CFI: variants seen among roughly 807,000 people sequenced by gnomAD.
The protein encoded by CFI is C3B/C4B inactivator.
Under a neutral mutation model 78.8 loss-of-function variants are expected in CFI, and 66 were observed. The ratio of observed to expected loss-of-function variants is 0.84; its 90% CI spans 0.69 to 1.03. The LOEUF (loss-of-function observed/expected upper bound fraction) is 1.03, where lower values mean the gene tolerates loss of function less well. CFI is among the 50% of genes least tolerant of loss of function. The probability of loss-of-function intolerance (pLI) is 0.00; values close to 1 mark genes in which losing one functional copy is unlikely to be tolerated. For missense variants in CFI, 706 were observed against 704.5 expected, an observed-to-expected ratio of 1.00 and a Z score of -0.02; for synonymous variants, 250 against 232.6, an observed-to-expected ratio of 1.07 and a Z score of -0.68.
intron 1 of CFI, among the ~76,000 whole-genome samples, chr4:109,785,597 T>C (rs1212429696): frequency 6.6e-6 from 1 of 152,042 alleles, no homozygotes. Context: ...CAAAACATGA[T>C]TCCATCTCCT....
At chr4:109,801,697 G>C (rs1031040607) in intron 1 of CFI, among the ~76,000 whole-genome samples, 1 of 152,018 alleles carries the variant, frequency 6.6e-6, no homozygotes, top group Non-Finnish European at 1.5e-5. Flanking sequence ...TCAGTTCAAT[G>C]CCTCTGCATA....
chr4:109,742,972 G>A (rs1723992253), intron 11 of CFI, among the ~76,000 whole-genome samples: 1 of 152,142 alleles, frequency 6.6e-6, no homozygotes, highest in African/African-American at 2.4e-5. Context: ...CCTTGAGAAT[G>A]TTTGTTAAAG....
intron 1 of CFI, among the ~76,000 whole-genome samples, chr4:109,785,983 G>A (rs1304824564): frequency 6.6e-6 from 1 of 151,730 alleles, no homozygotes; most frequent in South Asian, 2.1e-4. Context: ...CTAGTCTTGG[G>A]CAGTTCTTTA....
Position 109,761,617 on chromosome 4 carries a change from G to T in CFI, c.558C>A (p.Cys186Ter). The change falls in exon 4 of 13, where the codon TGC (cysteine) becomes TGA (stop). Residue 186 changes from cysteine to a stop codon, truncating the protein, a stop_gained. Transcript: ENST00000394634. LOFTEE classifies it high-confidence loss of function. Reference sequence around the variant, plus strand: ...CAGCCAAACTGGTCTCTAATCCTCGGCAATGCACATGTAGACATTCAGTGG... The same window carrying T: ...CAGCCAAACTGGTCTCTAATCCTCGTCAATGCACATGTAGACATTCAGTGG... ...INSTECLHVH[C>*]RGLETSLAEC... 2 of 1,613,622 alleles carry T rather than the reference G, an allele frequency of 1.2e-6. No individual in the cohort carries two copies. The highest frequency in any genetic ancestry group is 1.7e-6 in the Non-Finnish European group (2 of 1,179,622).
chr4:109,758,695 A>G lies in CFI; in HGVS notation c.884-912T>C, dbSNP rs539715742. Reference sequence around the variant, plus strand: ...AAGATTGTGGGGCACTTTGAAATGGACACACCAAGCTGATCAAGTAATCAT... The same window carrying G: ...AAGATTGTGGGGCACTTTGAAATGGGCACACCAAGCTGATCAAGTAATCAT... On this transcript the variant is annotated intron_variant, in intron 6 of 12. Transcript: ENST00000394634. Among the ~76,000 whole-genome samples the G allele has an allele frequency of 5.9e-5, 9 of 152,364 alleles. No individual in the cohort carries two copies. In the South Asian group the frequency reaches 1.0e-3, roughly 18 times the overall value.
the CFI span, among the ~76,000 whole-genome samples, chr4:109,733,709 TCTAA>T: frequency 6.6e-6 from 1 of 152,150 alleles, no homozygotes; most frequent in African/African-American, 2.4e-5. Flanking sequence ...TAGAGAGAGT[TCTAA>T]CTGTCAGAAA....
At chr4:109,769,157 GA>G (rs1306041234) in intron 1 of CFI, among the ~76,000 whole-genome samples, 2 of 152,092 alleles carry the variant, frequency 1.3e-5, no homozygotes, top group African/African-American at 4.8e-5. Flanking sequence ...CAAGCAACTT[GA>G]TTTTTTTCTA....
intron 2 of CFI, 81 bp from the exon 3 acceptor site, chr4:109,764,771 T>C (rs1045138015): frequency 7.2e-6 from 9 of 1,256,680 alleles, no homozygotes; most frequent in Middle Eastern, 1.9e-4. Context: ...AAAATAATAA[T>C]GTACTTAATG....
intron 1 of CFI, among the ~76,000 whole-genome samples, chr4:109,778,130 A>T (rs915427635): frequency 8.5e-5 from 13 of 152,188 alleles, no homozygotes; most frequent in Non-Finnish European, 7.3e-5. Flanking sequence ...AATAACTAAG[A>T]TCAGAGCAGA....
intron 1 of CFI, among the ~76,000 whole-genome samples, chr4:109,776,949 C>A (rs1354045458): frequency 6.6e-6 from 1 of 152,202 alleles, no homozygotes; most frequent in African/African-American, 2.4e-5. Context: ...ATCAGGCCTG[C>A]CTTACAAGAG....
chr4:109,743,541 A>G (rs1045392509), intron 11 of CFI, among the ~76,000 whole-genome samples: 3 of 152,162 alleles, frequency 2.0e-5, no homozygotes, highest in Non-Finnish European at 4.4e-5. Flanking sequence ...CTGGGTCCAT[A>G]TTTTCCATCA....
chr4:109,741,299 A>G (rs1723765666), intron 12 of CFI, 189 bp from the exon 13 acceptor site: 1 of 985,226 alleles, frequency 1.0e-6, no homozygotes. Flanking sequence ...ATTCTTTACG[A>G]GTCTTCTATT....
At chr4:109,741,399 A>G in intron 12 of CFI, 2 of 978,848 alleles carry the variant, frequency 2.0e-6, no homozygotes, top group Non-Finnish European at 2.4e-6. Context: ...GTTGCATCAA[A>G]TGCTGAGTAG....
chr4:109,753,146 T>TATATTTATTATATAAATAA (rs1725433213), intron 7 of CFI, among the ~76,000 whole-genome samples: 1 of 78,928 alleles, frequency 1.3e-5, no homozygotes, highest in African/African-American at 5.0e-5. Flanking sequence ...ATTTATAATA[T>TATATTTATTATATAAATAA]ATATTTATTA....
Position 109,742,279 on chromosome 4 carries a change from T to C in CFI, c.1534+212A>G, listed in dbSNP as rs565215023. 7.0e-5 allele frequency: 39 copies of C among 555,884 alleles called. No individual in the cohort carries two copies. In the East Asian group the frequency reaches 1.1e-3, roughly 16 times the overall value. The allele number at this position is 555,884 out of a possible 1,614,324, so 34.4% of individuals were successfully genotyped here. Reference sequence around the variant, plus strand: ...TCTTAGTCACCTTGCTGTGCTGCTATAGAATCGCTTAAGGAGGATTTTTCC... The same window carrying C: ...TCTTAGTCACCTTGCTGTGCTGCTACAGAATCGCTTAAGGAGGATTTTTCC... On this transcript the variant is annotated intron_variant, in intron 12 of 12. Coordinates refer to ENST00000394634, the MANE Select transcript of CFI (RefSeq NM_000204.5).
At chr4:109,798,520 T>TG (rs1553919320) in intron 1 of CFI, among the ~76,000 whole-genome samples, 22 of 150,940 alleles carry the variant, frequency 1.5e-4, no homozygotes, top group Non-Finnish European at 2.8e-4. Context: ...TTTTTTTTTT[T>TG]AAAAAGACCA....
chr4:109,746,296 G>A lies in CFI; in HGVS notation c.1355C>T (p.Ala452Val). The change falls in exon 11 of 13, where the codon GCC (alanine) becomes GTC (valine). Residue 452 changes from alanine (A) to valine (V), a missense_variant. Coordinates refer to ENST00000394634, the MANE Select transcript of CFI (RefSeq NM_000204.5). Reference sequence around the variant, plus strand: ...TAGGTAAGGAGACCAGGGGACACAGGCAGGGATGGAACGAGGCAGCTCACA... The same window carrying A: ...TAGGTAAGGAGACCAGGGGACACAGACAGGGATGGAACGAGGCAGCTCACA... ...KDCELPRSIP[A>V]CVPWSPYLFQ... 3.1e-6 allele frequency: 5 copies of A among 1,614,152 alleles called. No homozygotes were observed. The highest frequency in any genetic ancestry group is 4.2e-6 in the Non-Finnish European group (5 of 1,180,008).
chr4:109,767,386 A>T (rs1242460692), intron 1 of CFI, among the ~76,000 whole-genome samples: 1 of 151,572 alleles, frequency 6.6e-6, no homozygotes, highest in Admixed American at 6.6e-5. Flanking sequence ...TACTCATCTG[A>T]CAAAGGGCTA....
At chr4:109,776,142 G>T (rs1729205943) in intron 1 of CFI, among the ~76,000 whole-genome samples, 1 of 152,158 alleles carries the variant, frequency 6.6e-6, no homozygotes, top group Admixed American at 6.5e-5. Context: ...AGAGAAGAAG[G>T]CTTCAGACAA....
Sources: gnomAD v4.1 joint callset for allele counts (sites outside exome capture counted in the v4.1 genomes callset) on GRCh38, gnomAD v4.1.1 for gene constraint, MANE v1.5 for transcripts, NCBI Gene and HGNC (gene_info 2026-07-23, HGNC 2026-07-21) for gene names.